Variants in MTRF1 observed in about 807,000 individuals in gnomAD.
MTRF1 encodes mitochondrial translation release factor 1.
MTRF1 carries 51 observed loss-of-function variants against 62.9 expected under a neutral mutation model. The ratio of observed to expected loss-of-function variants is 0.81; its 90% CI spans 0.65 to 1.02. The LOEUF is 1.02. Among genes scored for constraint, MTRF1 ranks in the 50% least tolerant of loss-of-function variants. The pLI is 0.00. For missense variants in MTRF1, 446 were observed against 530.0 expected (o/e 0.84, Z 1.56); for synonymous variants, 158 against 181.9 (o/e 0.87, Z 1.06).
At chr13:41,310,013 A>T in the MTRF1 span, among the ~76,000 whole-genome samples, 1 of 152,216 alleles carries the variant, frequency 6.6e-6, no homozygotes, top group Non-Finnish European at 1.5e-5. Flanking sequence ...AGGAAAATAA[A>T]AAAGGGCAGC....
At chr13:41,218,761 C>T (rs2032498526) in intron 9 of MTRF1, among the ~76,000 whole-genome samples, 2 of 152,082 alleles carry the variant, frequency 1.3e-5, no homozygotes, top group South Asian at 4.1e-4. Context: ...TAGTTATGAA[C>T]TAATCTTATA....
At chr13:41,257,111 A>T (rs1349057300) in intron 2 of MTRF1, among the ~76,000 whole-genome samples, 1 of 152,094 alleles carries the variant, frequency 6.6e-6, no homozygotes, top group Admixed American at 6.6e-5. Context: ...AGATACAGAC[A>T]TGGGACAGCA....
In MTRF1 at chr13:41,231,205, G is replaced by GA. The variant is rs527988659; in HGVS notation, c.988+2684_988+2685insT. ...GAAGGAAGGTGAGACTTAATTCCCTGTAGAGGGAGATGCTGACCAGAAACT... is the reference window on the plus strand; with the variant it reads ...GAAGGAAGGTGAGACTTAATTCCCTGATAGAGGGAGATGCTGACCAGAAACT... On this transcript the variant is annotated intron_variant, in intron 7 of 9. Transcript: ENST00000379480. Among the ~76,000 whole-genome samples, 699 of 152,354 alleles carry GA rather than the reference G, an allele frequency of 4.6e-3. 7 individuals carry two copies. The highest frequency in any genetic ancestry group is 0.015 in the African/African-American group (622 of 41,588).
At chr13:41,260,442 GT>G (rs66465270) in intron 2 of MTRF1, 50 bp downstream of exon 2, 745,603 of 1,368,316 alleles carry the variant, frequency 0.54, 193,296 homozygotes, top group Admixed American at 0.61. Context: ...TAAGTGTGTG[GT>G]TTTTTTTTTC....
the MTRF1 span, among the ~76,000 whole-genome samples, chr13:41,275,499 T>C: frequency 8.5e-4 from 75 of 88,600 alleles, no homozygotes; most frequent in Middle Eastern, 0.018. Flanking sequence ...CGTGCCCGGC[T>C]TTTTTTTTTT....
rs141637656 is a variant in MTRF1 at position 41,244,841 on chromosome 13, C to T, written c.698-4408G>A. 3.2e-3 allele frequency among the ~76,000 whole-genome samples: 486 copies of T among 152,250 alleles called. 2 individuals carry two copies. Among genetic ancestry groups the T allele is most frequent in the African/African-American group, 0.011 (444 of 41,536 alleles). On this transcript the variant is annotated intron_variant, in intron 5 of 9. Coordinates refer to ENST00000379480, the MANE Select transcript of MTRF1 (RefSeq NM_004294.4). ...AGCTTAACTGCAACCTCATGAGACA[C>T]CCTGTGCCACTCAAAAAAGCAGCTG...
At chr13:41,259,854 C>T (rs2040229633) in intron 2 of MTRF1, among the ~76,000 whole-genome samples, 1 of 152,178 alleles carries the variant, frequency 6.6e-6, no homozygotes, top group Non-Finnish European at 1.5e-5. Flanking sequence ...GTGCCTCCCT[C>T]TAGTAGAGCA....
intron 6 of MTRF1, chr13:41,235,910 G>GT (rs1027679104): frequency 1.4e-3 from 208 of 143,676 alleles, no homozygotes; most frequent in South Asian, 2.8e-3. Context: ...TTTGTTTTTT[G>GT]TTTTTTTTTT....
the MTRF1 span, among the ~76,000 whole-genome samples, chr13:41,274,484 G>A: frequency 4.7e-4 from 71 of 152,016 alleles, no homozygotes; most frequent in African/African-American, 1.5e-3. Flanking sequence ...TCAGAAAACC[G>A]GTAGATGTTA....
the MTRF1 span, among the ~76,000 whole-genome samples, chr13:41,280,687 A>C: frequency 6.6e-6 from 1 of 152,188 alleles, no homozygotes; most frequent in South Asian, 2.1e-4. Context: ...ATATGTTCTT[A>C]GGATCTCCTG....
At chr13:41,311,261 C>T in the MTRF1 span, 1 of 534,418 alleles carries the variant, frequency 1.9e-6, no homozygotes, top group Non-Finnish European at 3.3e-6. Flanking sequence ...CCCTGGCTGC[C>T]ATCTTGCAGT....
the MTRF1 span, among the ~76,000 whole-genome samples, chr13:41,275,372 T>C: frequency 6.6e-6 from 1 of 152,036 alleles, no homozygotes; most frequent in African/African-American, 2.4e-5. Context: ...GGCTAATTTG[T>C]TGTATTTTTA....
chr13:41,263,306 C>T, intron 1 of MTRF1, 179 bp downstream of exon 1: 1 of 1,289,354 alleles, frequency 7.8e-7, no homozygotes, highest in Non-Finnish European at 1.0e-6. Flanking sequence ...CATTACCCAT[C>T]ACAGTAACAG....
the MTRF1 span, among the ~76,000 whole-genome samples, chr13:41,273,978 C>A: frequency 6.6e-6 from 1 of 152,204 alleles, no homozygotes; most frequent in African/African-American, 2.4e-5. Flanking sequence ...TGCATTCCTT[C>A]AGTTTCTGAT....
intron 2 of MTRF1, among the ~76,000 whole-genome samples, chr13:41,257,994 T>C (rs2039954398): frequency 6.6e-6 from 1 of 152,158 alleles, no homozygotes; most frequent in Non-Finnish European, 1.5e-5. Context: ...AATGATGTAA[T>C]CCAATCTAAT....
chr13:41,311,378 G>A, the MTRF1 span: 2 of 690,076 alleles, frequency 2.9e-6, no homozygotes, highest in South Asian at 3.6e-5. Flanking sequence ...CGAACAGCCA[G>A]GCTGCCCAAT....
At chr13:41,260,099 G>C (rs1314831581) in intron 2 of MTRF1, among the ~76,000 whole-genome samples, 1 of 152,062 alleles carries the variant, frequency 6.6e-6, no homozygotes, top group Non-Finnish European at 1.5e-5. Context: ...AGTAGCTAAA[G>C]TGTGTCAAAT....
the MTRF1 span, among the ~76,000 whole-genome samples, chr13:41,277,625 T>A: frequency 6.6e-6 from 1 of 152,158 alleles, no homozygotes; most frequent in Non-Finnish European, 1.5e-5. Context: ...TCCAGAAACC[T>A]CCACATGCTT....
chr13:41,308,907 A>G, the MTRF1 span, among the ~76,000 whole-genome samples: 55 of 152,130 alleles, frequency 3.6e-4, no homozygotes, highest in African/African-American at 1.3e-3. Context: ...CTCAGTGTCT[A>G]CTGTTCCCTT....
Sources: allele counts gnomAD v4.1 joint callset (sites outside exome capture counted in the v4.1 genomes callset), GRCh38; gene constraint gnomAD v4.1.1; transcripts MANE v1.5; gene names NCBI Gene and HGNC (gene_info 2026-07-23, HGNC 2026-07-21).